Variants in VEPH1 observed in about 807,000 individuals in gnomAD.
The protein encoded by VEPH1 is ventricular zone expressed PH domain containing 1.
VEPH1 carries 80 observed loss-of-function variants against 85.2 expected under a neutral mutation model. That is an observed-to-expected ratio of 0.94 (90% confidence interval 0.78 to 1.13). The LOEUF (loss-of-function observed/expected upper bound fraction) is 1.13. Ranked by LOEUF, VEPH1 falls within the 50% of genes most tolerant of loss-of-function variation. The probability of loss-of-function intolerance (pLI) is 0.00; values close to 1 mark genes in which losing one functional copy is unlikely to be tolerated. For missense variants in VEPH1, 955 were observed against 980.5 expected (o/e 0.97, Z 0.35); for synonymous variants, 297 against 348.0 (o/e 0.85, Z 1.63).
At position 157,469,015 on chromosome 3, in the gene VEPH1, G is replaced by A. The variant is rs1577730948; in HGVS notation, c.354+1299C>T. ...ACCTGCAGGGGGAGATGGATAGGAT[G>A]GTTAAATTGTCTGAATGTCTGTTAA... is the stretch of plus-strand genomic sequence containing the variant. On this transcript the variant is annotated intron_variant, in intron 3 of 13. Transcript: ENST00000362010. Among the ~76,000 whole-genome samples the A allele has an allele frequency of 2.0e-5, 3 of 152,188 alleles. No homozygotes were observed. In the East Asian group the frequency reaches 5.8e-4, roughly 29 times the overall value.
intron 6 of VEPH1, among the ~76,000 whole-genome samples, chr3:157,413,006 A>G (rs1731642283): frequency 6.6e-6 from 1 of 152,180 alleles, no homozygotes; most frequent in African/African-American, 2.4e-5. Flanking sequence ...ATTTTGTCTT[A>G]TGCAGAATCA....
At chr3:157,414,722 T>C (rs1438482022) in intron 5 of VEPH1, among the ~76,000 whole-genome samples, 1 of 152,202 alleles carries the variant, frequency 6.6e-6, no homozygotes, top group Non-Finnish European at 1.5e-5. Flanking sequence ...AATGGAATTC[T>C]TTTGTGGAAT....
Position 157,265,523 on chromosome 3 carries a change from T to C in VEPH1, c.2265+3A>G. 2 of 1,612,024 alleles carry C rather than the reference T, an allele frequency of 1.2e-6. No individual in the cohort carries two copies. The highest frequency in any genetic ancestry group is 8.5e-7 in the Non-Finnish European group (1 of 1,178,752). ...AAGTGTAAAAGATGATGGAGGAACT[T>C]ACAGACTTTCCTTTTTGAAACAGAA... On this transcript the variant is annotated splice_donor_region_variant and intron_variant, in intron 13 of 13. Coordinates refer to ENST00000362010, the MANE Select transcript of VEPH1 (RefSeq NM_001167912.2).
intron 6 of VEPH1, among the ~76,000 whole-genome samples, chr3:157,392,167 A>C (rs896018233): frequency 5.3e-5 from 8 of 152,236 alleles, no homozygotes; most frequent in Admixed American, 6.5e-5. Context: ...ACCACACAAT[A>C]GAAACAACAA....
At chr3:157,488,740 C>T (rs1738911406) in intron 2 of VEPH1, among the ~76,000 whole-genome samples, 1 of 152,022 alleles carries the variant, frequency 6.6e-6, no homozygotes, top group Admixed American at 6.6e-5. Context: ...CATCTCCACT[C>T]AGAATTCTGA....
At chr3:157,297,269 T>G (rs771996327) in intron 11 of VEPH1, among the ~76,000 whole-genome samples, 8 of 152,226 alleles carry the variant, frequency 5.3e-5, no homozygotes, top group Non-Finnish European at 8.8e-5. Context: ...CTGAGAAACA[T>G]ATTTAGTTTT....
At chr3:157,384,148 T>C (rs974287186) in intron 6 of VEPH1, among the ~76,000 whole-genome samples, 4 of 152,124 alleles carry the variant, frequency 2.6e-5, no homozygotes, top group African/African-American at 9.7e-5. Context: ...GTGTGTTAGA[T>C]GGAGAAACGT....
At chr3:157,273,992 C>A (rs1448470283) in intron 12 of VEPH1, among the ~76,000 whole-genome samples, 1 of 152,158 alleles carries the variant, frequency 6.6e-6, no homozygotes, top group African/African-American at 2.4e-5. Context: ...TGGAGGCCGA[C>A]CTCAGTTGAA....
At chr3:157,483,086 C>G (rs931959975) in intron 2 of VEPH1, among the ~76,000 whole-genome samples, 1 of 150,332 alleles carries the variant, frequency 6.7e-6, no homozygotes, top group African/African-American at 2.4e-5. Flanking sequence ...ACTAATAATC[C>G]TTTATATTTT....
intron 6 of VEPH1, among the ~76,000 whole-genome samples, chr3:157,391,317 C>A (rs558810666): frequency 6.6e-6 from 1 of 152,332 alleles, no homozygotes; most frequent in African/African-American, 2.4e-5. Context: ...AGAGAGCCTC[C>A]TTTGTGACTC....
intron 12 of VEPH1, among the ~76,000 whole-genome samples, chr3:157,268,882 G>T (rs887059353): frequency 4.6e-5 from 7 of 151,992 alleles, no homozygotes; most frequent in African/African-American, 1.7e-4. Context: ...CGAGTAGCTG[G>T]GACCACAGGT....
At chr3:157,403,453 CTTTTA>C (rs1052779937) in intron 6 of VEPH1, among the ~76,000 whole-genome samples, 6 of 151,786 alleles carry the variant, frequency 4.0e-5, no homozygotes, top group African/African-American at 1.5e-4. Context: ...TCTTTTTTTT[CTTTTA>C]TTTTATTGTG....
chr3:157,403,713 T>C (rs1226213319), intron 6 of VEPH1, among the ~76,000 whole-genome samples: 1 of 152,116 alleles, frequency 6.6e-6, no homozygotes, highest in African/African-American at 2.4e-5. Flanking sequence ...TTGTCAAAGA[T>C]TATGACTGTT....
intron 1 of VEPH1, among the ~76,000 whole-genome samples, chr3:157,503,076 C>T (rs1016777876): frequency 2.6e-5 from 4 of 152,162 alleles, no homozygotes; most frequent in African/African-American, 2.4e-5. Context: ...GGCATTTTTA[C>T]TCTAATAACC....
At chr3:157,385,219 CAAAA>C (rs66539962) in intron 6 of VEPH1, among the ~76,000 whole-genome samples, 2 of 135,490 alleles carry the variant, frequency 1.5e-5, no homozygotes, top group Non-Finnish European at 3.2e-5. Flanking sequence ...CTCCTCCCAT[CAAAA>C]AAAAAAAAAA....
chr3:157,455,861 T>TAA lies in VEPH1; in HGVS notation c.529+4318_529+4319dup, dbSNP rs557815443. Among the ~76,000 whole-genome samples, 1,069 of 152,348 alleles carry TAA rather than the reference T, an allele frequency of 7.0e-3. 5 individuals carry two copies. The highest frequency in any genetic ancestry group is 0.01 in the Non-Finnish European group (687 of 68,030). ...TTTAGGTTGATTCCAATGTCTTTGC[T>TAA]AACGTGAATAGTGCTGCAATGAACA... On this transcript the variant is annotated intron_variant, in intron 4 of 13. Transcript: ENST00000362010.
intron 12 of VEPH1, among the ~76,000 whole-genome samples, chr3:157,280,858 C>T (rs1577226650): frequency 6.6e-6 from 1 of 152,286 alleles, no homozygotes; most frequent in East Asian, 1.9e-4. Flanking sequence ...CTCAATCACT[C>T]ATCTATTTGC....
intron 2 of VEPH1, among the ~76,000 whole-genome samples, chr3:157,488,262 A>G (rs1003954043): frequency 1.3e-5 from 2 of 151,976 alleles, no homozygotes; most frequent in African/African-American, 2.4e-5. Context: ...ATTTTCTTCA[A>G]TTCTCTTCCC....
chr3:157,409,990 G>A, intron 6 of VEPH1: 1 of 945,926 alleles, frequency 1.1e-6, no homozygotes, highest in South Asian at 4.9e-5. Flanking sequence ...AGTATGCTCT[G>A]ATCAGTCAGA....
Sources: gnomAD v4.1 joint callset for allele counts (sites outside exome capture counted in the v4.1 genomes callset) on GRCh38, gnomAD v4.1.1 for gene constraint, MANE v1.5 for transcripts, NCBI Gene and HGNC (gene_info 2026-07-23, HGNC 2026-07-21) for gene names.